Variants in CNOT7 observed in about 807,000 individuals in gnomAD.
CNOT7 encodes BTG1-binding factor 1.
Under a neutral mutation model 37.1 loss-of-function variants are expected in CNOT7, and 4 were observed. The ratio of observed to expected loss-of-function variants is 0.11; its 90% CI spans 0.05 to 0.25. The LOEUF (loss-of-function observed/expected upper bound fraction) is 0.25, where lower values mean the gene tolerates loss of function less well. Among genes scored for constraint, CNOT7 ranks in the 10% least tolerant of loss-of-function variants. The pLI is 1.00. For synonymous variants in CNOT7, 128 were observed against 115.6 expected (o/e 1.11, Z -0.69); for missense variants, 170 against 336.2 (o/e 0.51, Z 3.87).
chr8:17,226,000 A>G lies in CNOT7; in HGVS notation c.*4720T>C, dbSNP rs1808126411. On this transcript the variant is annotated 3_prime_UTR_variant, in exon 7 of 7. Coordinates refer to ENST00000361272, the MANE Select transcript of CNOT7 (RefSeq NM_013354.7). ...CAAACAGGACAGACATAGACCCTTG[A>G]GTTTCTTCTAGTAGAGAGGTGGACA... 1 of 115,940 alleles carries G rather than the reference A, an allele frequency of 8.6e-6. No individual in the cohort carries two copies. Among genetic ancestry groups the G allele is most frequent in the Non-Finnish European group, 1.8e-5 (1 of 56,740 alleles). 7.2% of individuals were successfully genotyped at this position (115,940 alleles called of 1,614,324 possible).
chr8:17,230,642 C>G lies in CNOT7; in HGVS notation c.*78G>C. On this transcript the variant is annotated 3_prime_UTR_variant, in exon 7 of 7. Coordinates refer to ENST00000361272, the MANE Select transcript of CNOT7 (RefSeq NM_013354.7). Reference sequence around the variant, plus strand: ...GGGGGGAAAGGTACTGTCTATTGTTCGAGGGATTCAACCAGAGATAAAACC... The same window carrying G: ...GGGGGGAAAGGTACTGTCTATTGTTGGAGGGATTCAACCAGAGATAAAACC... 7.8e-7 allele frequency: 1 copy of G among 1,285,802 alleles called. No individual in the cohort carries two copies. The allele number at this position is 1,285,802 out of a possible 1,614,324, so 79.6% of individuals were successfully genotyped here.
intron 4 of CNOT7, among the ~76,000 whole-genome samples, chr8:17,236,025 G>A (rs548161682): frequency 4.7e-4 from 71 of 152,068 alleles, no homozygotes; most frequent in African/African-American, 1.7e-3. Context: ...TCATATCTAG[G>A]GAAGAAAAAT....
chr8:17,240,817 A>C (rs1309422430), intron 3 of CNOT7, among the ~76,000 whole-genome samples: 1 of 152,204 alleles, frequency 6.6e-6, no homozygotes, highest in African/African-American at 2.4e-5. Context: ...TTCTTATAAA[A>C]GGTTTTCAGT....
At chr8:17,234,907 TAA>T in intron 4 of CNOT7, 47 bp from the exon 5 acceptor site, 1 of 1,530,830 alleles carries the variant, frequency 6.5e-7, no homozygotes, top group Non-Finnish European at 8.8e-7. Context: ...ATAAATACTA[TAA>T]AGATTAAAAA....
chr8:17,233,514 C>T (rs1808913488), intron 5 of CNOT7, among the ~76,000 whole-genome samples: 1 of 152,178 alleles, frequency 6.6e-6, no homozygotes. Flanking sequence ...AATATCTGTA[C>T]TTAGAAACTT....
rs1808181018 is a variant in CNOT7 at position 17,226,720 on chromosome 8, C to G, written c.*4000G>C. The G allele has an allele frequency of 6.6e-6, 1 of 151,724 alleles. No homozygotes were observed. The highest frequency in any genetic ancestry group is 1.5e-5 in the Non-Finnish European group (1 of 67,744). 9.4% of individuals were successfully genotyped at this position (151,724 alleles called of 1,614,324 possible). On this transcript the variant is annotated 3_prime_UTR_variant, in exon 7 of 7. Transcript: ENST00000361272. ...CTCATAGCACAGAAAGTATATAAAGCAGCTTGACAATCTTAAGTTTTAGTT... is the reference window on the plus strand; with the variant it reads ...CTCATAGCACAGAAAGTATATAAAGGAGCTTGACAATCTTAAGTTTTAGTT...
chr8:17,242,948 A>G (rs76270024), intron 3 of CNOT7, 44 bp downstream of exon 3: 105 of 508,108 alleles, frequency 2.1e-4, no homozygotes, highest in Middle Eastern at 7.5e-4. Context: ...AAGATTAAAG[A>G]AAAAAAAAAA....
chr8:17,228,495 TCCC>T lies in CNOT7; in HGVS notation c.*2222_*2224del. ...ATTTAATGCAGGCAACAGCATACAG[TCCC>T]CCAATTTACGATGGTTCAAGTTATA... On this transcript the variant is annotated 3_prime_UTR_variant, in exon 7 of 7. Transcript: ENST00000361272. 6.6e-6 allele frequency: 1 copy of T among 151,950 alleles called. No homozygotes were observed. The allele number at this position is 151,950 out of a possible 1,614,324, so 9.4% of individuals were successfully genotyped here. A position where few individuals can be genotyped will look rare whatever the true frequency, so the allele number is the denominator to read the frequency against.
At chr8:17,239,093 T>C (rs150647846) in intron 3 of CNOT7, among the ~76,000 whole-genome samples, 467 of 152,328 alleles carry the variant, frequency 3.1e-3, no homozygotes, top group Middle Eastern at 6.8e-3. Context: ...AGGGTCTGGC[T>C]GTCATCCAGG....
At chr8:17,246,324 C>G (rs1173058093) in intron 1 of CNOT7, 1 of 152,274 alleles carries the variant, frequency 6.6e-6, no homozygotes, top group Non-Finnish European at 1.5e-5. Context: ...CCTGGCAAAG[C>G]GCCAGTGCGA....
At position 17,233,122 on chromosome 8, in the gene CNOT7, GAGAGTGGAA is replaced by G. The variant is rs1021775774; in HGVS notation, c.619-594_619-586del. On this transcript the variant is annotated intron_variant, in intron 5 of 6. Transcript: ENST00000361272. ...ACTCCTAAGATTAAAAAAGAAAGAT[GAGAGTGGAA>G]AGAGTGGAAAGAAAGAAAGAGAAAG... Among the ~76,000 whole-genome samples the G allele has an allele frequency of 9.9e-5, 15 of 152,254 alleles. No individual in the cohort carries two copies. The South Asian group carries it at 1.0e-3, about 11-fold the overall frequency.
intron 3 of CNOT7, among the ~76,000 whole-genome samples, chr8:17,240,119 C>A (rs1809954827): frequency 6.6e-6 from 1 of 152,222 alleles, no homozygotes; most frequent in South Asian, 2.1e-4. Context: ...GATCTTTCTT[C>A]CAAATTTCCA....
intron 2 of CNOT7, 149 bp downstream of exon 2, chr8:17,244,887 G>A (rs1357727709): frequency 4.6e-6 from 3 of 648,916 alleles, no homozygotes; most frequent in Non-Finnish European, 8.0e-6. Context: ...TATTCCTGAT[G>A]GATTTTGGCT....
At chr8:17,243,460 G>A (rs56185630) in intron 2 of CNOT7, 20,909 of 564,072 alleles carry the variant, frequency 0.037, 568 homozygotes, top group Non-Finnish European at 0.051. Flanking sequence ...CAAGAAAGGG[G>A]GGAAAATCAT....
In CNOT7 at chr8:17,243,004, T is replaced by C; in HGVS notation, c.299A>G (p.Lys100Arg). The change falls in exon 3 of 7, where the codon AAA (lysine) becomes AGA (arginine). Residue 100 changes from lysine to arginine, a missense_variant. Physicochemically the swap from Lys to Arg is conservative, Grantham distance 26. This residue lies in a region of CNOT7 where 68 missense variants were observed against 151.1 expected (regional missense o/e 0.45). Coordinates refer to ENST00000361272, the MANE Select transcript of CNOT7 (RefSeq NM_013354.7). ...ATTTCCCACTTACGTCAAATTAAATTTAAAATTAAACTGCCAAGTTGAAGT... is the reference window on the plus strand; with the variant it reads ...ATTTCCCACTTACGTCAAATTAAATCTAAAATTAAACTGCCAAGTTGAAGT... ...PGTSTWQFNFKFNLTEDMYAQ... is the reference protein window; with the variant it reads ...PGTSTWQFNFRFNLTEDMYAQ... 1 of 1,598,264 alleles carries C rather than the reference T, an allele frequency of 6.3e-7. No individual in the cohort carries two copies. Among genetic ancestry groups the C allele is most frequent in the Non-Finnish European group, 8.5e-7 (1 of 1,174,532 alleles).
At position 17,227,252 on chromosome 8, in the gene CNOT7, T is replaced by A. The variant is rs1227854441; in HGVS notation, c.*3468A>T. 1 of 151,854 alleles carries A rather than the reference T, an allele frequency of 6.6e-6. No individual in the cohort carries two copies. Among genetic ancestry groups the A allele is most frequent in the African/African-American group, 2.4e-5 (1 of 41,428 alleles). The allele number at this position is 151,854 out of a possible 1,614,324, so 9.4% of individuals were successfully genotyped here. ...ATCGGTTGCATCACATCTTAGTAGA[T>A]TCCACTTCAGGTTGTACTGTTTATC... On this transcript the variant is annotated 3_prime_UTR_variant, in exon 7 of 7. Transcript: ENST00000361272.
intron 1 of CNOT7, chr8:17,245,834 C>T (rs759491900): frequency 3.9e-5 from 6 of 152,066 alleles, no homozygotes; most frequent in Non-Finnish European, 8.8e-5. Context: ...ACGTCTAAAA[C>T]TTAGAGCATA....
intron 1 of CNOT7, chr8:17,246,301 G>C (rs117994230): frequency 2.0e-5 from 3 of 152,286 alleles, no homozygotes; most frequent in Non-Finnish European, 4.4e-5. Flanking sequence ...TCAAGCCATA[G>C]ATAACTCTCT....
chr8:17,243,212 T>A (rs760535936), intron 2 of CNOT7, 27 bp from the exon 3 acceptor site: 1 of 1,536,738 alleles, frequency 6.5e-7, no homozygotes, highest in Non-Finnish European at 8.8e-7. Context: ...AGATTCATTA[T>A]GTACTAAACA....
Sources: gnomAD v4.1 joint callset for allele counts (sites outside exome capture counted in the v4.1 genomes callset) on GRCh38, gnomAD v4.1.1 for gene constraint, gnomAD v4.1.1 regional missense constraint, MANE v1.5 for transcripts, NCBI Gene and HGNC (gene_info 2026-07-23, HGNC 2026-07-21) for gene names.